The following SIGLEC7 variants were observed in gnomAD, a reference collection of about 807,000 sequenced individuals.
The protein encoded by SIGLEC7 is sialic acid-binding Ig-like lectin 7.
SIGLEC7 carries 33 observed loss-of-function variants against 40.8 expected under a neutral mutation model. The observed-to-expected ratio is 0.81, with a 90% CI of 0.61 to 1.08. The LOEUF (loss-of-function observed/expected upper bound fraction) is 1.08, where lower values mean the gene tolerates loss of function less well. SIGLEC7 is among the 50% of genes least tolerant of loss of function. The pLI, the probability that SIGLEC7 is intolerant of heterozygous loss-of-function variation, is 0.00. For synonymous variants in SIGLEC7, 242 were observed against 237.6 expected, an observed-to-expected ratio of 1.02 and a Z score of -0.17; for missense variants, 513 against 576.1, an observed-to-expected ratio of 0.89 and a Z score of 1.12.
intron 6 of SIGLEC7, among the ~76,000 whole-genome samples, chr19:51,150,584 G>A (rs1023607926): frequency 6.6e-6 from 1 of 152,166 alleles, no homozygotes; most frequent in East Asian, 1.9e-4. Flanking sequence ...ATATTGGCCC[G>A]AAGTTTTCTT....
At chr19:51,147,097 G>T in intron 5 of SIGLEC7, 124 bp from the exon 6 acceptor site, 1 of 1,454,400 alleles carries the variant, frequency 6.9e-7, no homozygotes, top group South Asian at 1.2e-5. Context: ...TCTGGGACTG[G>T]ACCACCCTCC....
Position 51,144,906 on chromosome 19 carries a change from T to C in SIGLEC7, c.713-6T>C. The C allele has an allele frequency of 1.2e-6, 2 of 1,613,966 alleles. No homozygotes were observed. Among genetic ancestry groups the C allele is most frequent in the Non-Finnish European group, 1.7e-6 (2 of 1,179,910 alleles). On this transcript the variant is annotated splice_region_variant and splice_polypyrimidine_tract_variant and intron_variant, in intron 2 of 6. Transcript: ENST00000317643. ...TGATGCAGGTCTCCATGTCTTTCTG[T>C]CCCAGACCCTCCTCAGAACTTGACT...
intron 5 of SIGLEC7, 174 bp from the exon 6 acceptor site, chr19:51,147,047 C>A (rs1368062104): frequency 2.7e-6 from 3 of 1,117,986 alleles, no homozygotes; most frequent in Non-Finnish European, 3.8e-6. Context: ...TGGGCCCCAC[C>A]ACCCAGGAGG....
At position 51,153,244 on chromosome 19, in the gene SIGLEC7, A is replaced by T; in HGVS notation, c.1403A>T (p.Ter468LeuextTer20). Residue 468 changes from the stop codon to leucine (L), a stop_lost, in exon 7 of 7, where the codon TAA becomes TTA. Transcript: ENST00000317643. ...NEYSEIKIPK[*>L] The stretch of plus-strand genomic sequence containing the variant: ...TACTCAGAGATCAAGATCCCCAAGT[A>T]AGAAAATGCAGAGGCTCGGGCTTGT... 6.4e-7 allele frequency: 1 copy of T among 1,560,632 alleles called. No individual in the cohort carries two copies. The highest frequency in any genetic ancestry group is 8.7e-7 in the Non-Finnish European group (1 of 1,151,784).
At chr19:51,143,455 C>T (rs1004736417) in intron 1 of SIGLEC7, among the ~76,000 whole-genome samples, 5 of 152,102 alleles carry the variant, frequency 3.3e-5, no homozygotes, top group East Asian at 3.9e-4. Context: ...GCAGGACCTA[C>T]GTGTCTGGTG....
At chr19:51,147,382 A>G in intron 6 of SIGLEC7, 65 bp downstream of exon 6, 1 of 1,449,670 alleles carries the variant, frequency 6.9e-7, no homozygotes, top group East Asian at 2.5e-5. Context: ...GATGGCCTCC[A>G]GGATTTCTCT....
intron 6 of SIGLEC7, among the ~76,000 whole-genome samples, chr19:51,149,216 T>C (rs2092128959): frequency 6.6e-6 from 1 of 152,230 alleles, no homozygotes; most frequent in Admixed American, 6.5e-5. Context: ...GGCATCTTTG[T>C]CAGGAAATCT....
At chr19:51,152,039 A>G (rs1402488439) in intron 6 of SIGLEC7, among the ~76,000 whole-genome samples, 1 of 152,170 alleles carries the variant, frequency 6.6e-6, no homozygotes, top group Non-Finnish European at 1.5e-5. Context: ...ACACACATGG[A>G]TTAAAGTTCT....
chr19:51,146,175 C>A, intron 4 of SIGLEC7, 54 bp downstream of exon 4: 1 of 1,580,714 alleles, frequency 6.3e-7, no homozygotes, highest in Non-Finnish European at 8.6e-7. Flanking sequence ...CCCTCATGGG[C>A]CACCCACTGC....
intron 6 of SIGLEC7, among the ~76,000 whole-genome samples, chr19:51,150,338 G>T (rs941087786): frequency 3.3e-5 from 5 of 152,156 alleles, no homozygotes; most frequent in Admixed American, 1.3e-4. Flanking sequence ...CTAGTTTACT[G>T]AGAGTTTTTA....
intron 6 of SIGLEC7, among the ~76,000 whole-genome samples, chr19:51,149,775 A>G (rs998130888): frequency 6.6e-6 from 1 of 152,146 alleles, no homozygotes; most frequent in Non-Finnish European, 1.5e-5. Context: ...GATTCTTTTT[A>G]TCCATGAGCA....
chr19:51,144,289 A>G, intron 1 of SIGLEC7, 117 bp from the exon 2 acceptor site: 1 of 1,499,718 alleles, frequency 6.7e-7, no homozygotes, highest in Non-Finnish European at 8.9e-7. Flanking sequence ...GCCCTGGGAG[A>G]GGGCTGAGGG....
In SIGLEC7 at chr19:51,142,411, G is replaced by T. The variant is rs2092073929; in HGVS notation, c.42G>T (p.Glu14Asp). 4.3e-6 allele frequency: 7 copies of T among 1,614,114 alleles called. No homozygotes were observed. The East Asian group carries it at 1.6e-4, about 36-fold the overall frequency. Residue 14 changes from glutamate (E) to aspartate (D), a missense_variant, in exon 1 of 7, where the codon GAG (glutamate) becomes GAT (aspartate). By Grantham distance (45) the Glu-to-Asp change is conservative. Coordinates refer to ENST00000317643, the MANE Select transcript of SIGLEC7 (RefSeq NM_014385.4). This position sits in a 1 kb window ranked among gnomAD's most constrained non-coding sequence, Gnocchi z 5.0. Reference sequence around the variant, plus strand: ...TGCTGCCCCTGCTCTGGGGGAGGGAGAGGGTGGAAGGACAGAAGAGTAACC... The same window carrying T: ...TGCTGCCCCTGCTCTGGGGGAGGGATAGGGTGGAAGGACAGAAGAGTAACC... ...LLLLPLLWGR[E>D]RVEGQKSNRK...
Position 51,145,491 on chromosome 19 carries a change from G to C in SIGLEC7, c.761-364G>C, listed in dbSNP as rs2092101128. 6.6e-6 allele frequency among the ~76,000 whole-genome samples: 1 copy of C among 152,168 alleles called. No individual in the cohort carries two copies. The highest frequency in any genetic ancestry group is 2.4e-5 in the African/African-American group (1 of 41,440). On this transcript the variant is annotated intron_variant, in intron 3 of 6. Coordinates refer to ENST00000317643, the MANE Select transcript of SIGLEC7 (RefSeq NM_014385.4). This position sits in a 1 kb window ranked among gnomAD's most constrained non-coding sequence, Gnocchi z 4.3. ...AGGGATGTGTGTGATTCCACTGTCT[G>C]AATAGTCTCTGATTTTGTGGCATCT... is the stretch of plus-strand genomic sequence containing the variant.
chr19:51,144,975 C>T lies in SIGLEC7; in HGVS notation c.760+16C>T, dbSNP rs1353803312. 1 of 1,612,354 alleles carries T rather than the reference C, an allele frequency of 6.2e-7. No individual in the cohort carries two copies. On this transcript the variant is annotated intron_variant, in intron 3 of 6. Transcript: ENST00000317643. ...GAAGGCACAGGTAGGATGGAGCCCC[C>T]TCCCTGGGGCTGGGGGAGCAGGGCC...
chr19:51,152,846 C>A (rs2092152707), intron 6 of SIGLEC7: 1 of 362,672 alleles, frequency 2.8e-6, no homozygotes, highest in Non-Finnish European at 5.0e-6. Flanking sequence ...TAATAAACAC[C>A]AAACAAGTTG....
rs778255410 is a variant in SIGLEC7, at chr19:51,142,795, C to T, written c.426C>T (p.Asn142=). 3.8e-5 allele frequency: 61 copies of T among 1,589,470 alleles called. No homozygotes were observed. Among genetic ancestry groups the T allele is most frequent in the South Asian group, 6.9e-5 (6 of 86,418 alleles). ...ATAAATATGACCAGCTCTCTGTGAA[C>T]GTGACAGGTAAGGCACGGGCTCCAA... The part of the protein sequence containing the change: ...WNYKYDQLSV[N]VTALTHRPNI... Residue 142 remains asparagine (N), a synonymous_variant, in exon 1 of 7, where the codon AAC becomes AAT. Coordinates refer to ENST00000317643, the MANE Select transcript of SIGLEC7 (RefSeq NM_014385.4). The surrounding 1 kb of genome is among the most constrained non-coding windows in gnomAD (Gnocchi z 5.0).
chr19:51,152,184 T>C (rs2092148163), intron 6 of SIGLEC7, among the ~76,000 whole-genome samples: 1 of 152,196 alleles, frequency 6.6e-6, no homozygotes, highest in African/African-American at 2.4e-5. Context: ...CCTGCATTCC[T>C]TGGCTCAAGT....
intron 6 of SIGLEC7, among the ~76,000 whole-genome samples, chr19:51,150,818 T>C (rs2092138326): frequency 6.6e-6 from 1 of 152,128 alleles, no homozygotes; most frequent in African/African-American, 2.4e-5. Context: ...CCATGGGACA[T>C]CTGTGTGATT....
Sources: allele counts gnomAD v4.1 joint callset (sites outside exome capture counted in the v4.1 genomes callset), GRCh38; gene constraint gnomAD v4.1.1; non-coding constraint Gnocchi (gnomAD v3.1); transcripts MANE v1.5; gene names NCBI Gene and HGNC (gene_info 2026-07-23, HGNC 2026-07-21).